Variants in CDC42SE2 observed in about 807,000 individuals in gnomAD.
The protein encoded by CDC42SE2 is CDC42 small effector 2.
In CDC42SE2, 3 loss-of-function variants were observed where a neutral mutation model predicts 11.5. That is an observed-to-expected ratio of 0.26 (90% CI 0.12 to 0.67). The LOEUF (loss-of-function observed/expected upper bound fraction) is 0.67, where lower values mean the gene tolerates loss of function less well. Ranked by LOEUF, CDC42SE2 falls within the 30% of genes least tolerant of loss-of-function variation. The pLI, the probability that CDC42SE2 is intolerant of heterozygous loss-of-function variation, is 0.80. For missense variants in CDC42SE2, 82 were observed against 106.8 expected, an observed-to-expected ratio of 0.77 and a Z score of 1.02; for synonymous variants, 33 against 34.8, an observed-to-expected ratio of 0.95 and a Z score of 0.18.
the CDC42SE2 span, among the ~76,000 whole-genome samples, chr5:131,226,182 A>G: frequency 1.3e-5 from 2 of 152,382 alleles, no homozygotes; most frequent in East Asian, 1.9e-4. Context: ...ATTGTCTTGC[A>G]GAGATCTTTG....
chr5:131,379,240 CTG>C (rs1205564761), intron 3 of CDC42SE2, among the ~76,000 whole-genome samples: 1 of 152,196 alleles, frequency 6.6e-6, no homozygotes, highest in Non-Finnish European at 1.5e-5. Context: ...TTTATTCACT[CTG>C]TATCTGCTTC....
At chr5:131,339,246 GAAAAAAAAAAAAAAA>G (rs34594352) in intron 2 of CDC42SE2, among the ~76,000 whole-genome samples, 1,160 of 28,266 alleles carry the variant, frequency 0.041, 38 homozygotes, top group African/African-American at 0.1. Context: ...GACTCTGTCT[GAAAAAAAAAAAAAAA>G]AAAAAAAAAA....
At chr5:131,268,627 T>A (rs1179886390) in intron 1 of CDC42SE2, among the ~76,000 whole-genome samples, 1 of 151,908 alleles carries the variant, frequency 6.6e-6, no homozygotes, top group Non-Finnish European at 1.5e-5. Flanking sequence ...TAATTTTGTA[T>A]TTTTAGTAGA....
chr5:131,258,407 A>AT (rs1241595913), intron 2 of CDC42SE2, among the ~76,000 whole-genome samples: 1 of 152,216 alleles, frequency 6.6e-6, no homozygotes, highest in East Asian at 1.9e-4. Context: ...TTTAAAAAAA[A>AT]GAAAAAGGAG....
At chr5:131,375,773 G>A (rs1750133671) in intron 3 of CDC42SE2, among the ~76,000 whole-genome samples, 1 of 152,220 alleles carries the variant, frequency 6.6e-6, no homozygotes, top group African/African-American at 2.4e-5. Flanking sequence ...AGTCTCTGCA[G>A]TATCTAAAAC....
chr5:131,390,141 GATAA>G (rs1481601609), intron 4 of CDC42SE2, among the ~76,000 whole-genome samples: 10 of 152,260 alleles, frequency 6.6e-5, no homozygotes, highest in South Asian at 6.2e-4. Context: ...ACTCAGAGAG[GATAA>G]ATAGTTTACC....
At chr5:131,308,687 A>C (rs1293624483) in intron 1 of CDC42SE2, among the ~76,000 whole-genome samples, 1 of 145,348 alleles carries the variant, frequency 6.9e-6, no homozygotes, top group African/African-American at 2.5e-5. Context: ...ATTCCTAGGT[A>C]TTTTATTCTC....
chr5:131,296,811 C>A (rs1405554615), intron 1 of CDC42SE2, among the ~76,000 whole-genome samples: 1 of 152,102 alleles, frequency 6.6e-6, no homozygotes, highest in Non-Finnish European at 1.5e-5. Flanking sequence ...CTATAGTAGT[C>A]TTTCATATAT....
the CDC42SE2 span, among the ~76,000 whole-genome samples, chr5:131,237,543 T>C: frequency 1.3e-5 from 2 of 152,218 alleles, no homozygotes; most frequent in Non-Finnish European, 2.9e-5. Context: ...TGTGATGTGT[T>C]TGGACATACA....
At chr5:131,284,895 C>T (rs1757309965) in intron 1 of CDC42SE2, among the ~76,000 whole-genome samples, 1 of 152,006 alleles carries the variant, frequency 6.6e-6, no homozygotes, top group African/African-American at 2.4e-5. Context: ...GTGGTGTGCG[C>T]TTTAGTCCCA....
chr5:131,247,081 A>G (rs1756601480), intron 1 of CDC42SE2, among the ~76,000 whole-genome samples: 1 of 152,084 alleles, frequency 6.6e-6, no homozygotes, highest in South Asian at 2.1e-4. Context: ...ATTCCATTTC[A>G]TTTTGTAGAT....
chr5:131,267,171 C>T (rs1337546404), intron 1 of CDC42SE2, among the ~76,000 whole-genome samples: 1 of 151,432 alleles, frequency 6.6e-6, no homozygotes, highest in Non-Finnish European at 1.5e-5. Flanking sequence ...TCTCCTGCCT[C>T]AGCCTCCCAA....
intron 2 of CDC42SE2, among the ~76,000 whole-genome samples, chr5:131,329,070 T>G (rs934308067): frequency 6.6e-6 from 1 of 152,154 alleles, no homozygotes; most frequent in African/African-American, 2.4e-5. Context: ...GGCTTATTAG[T>G]CTGTGTCTGC....
the CDC42SE2 span, among the ~76,000 whole-genome samples, chr5:131,223,554 G>A: frequency 3.9e-4 from 59 of 152,044 alleles, no homozygotes; most frequent in African/African-American, 1.4e-3. Flanking sequence ...CTGTTTTAAA[G>A]CCTATTTCAG....
intron 1 of CDC42SE2, among the ~76,000 whole-genome samples, chr5:131,288,772 C>T (rs1413600597): frequency 6.6e-6 from 1 of 152,140 alleles, no homozygotes; most frequent in Non-Finnish European, 1.5e-5. Context: ...TTAGAGATAC[C>T]TACTGACTAC....
At chr5:131,326,879 G>A (rs1561585660) in intron 2 of CDC42SE2, among the ~76,000 whole-genome samples, 2 of 151,992 alleles carry the variant, frequency 1.3e-5, no homozygotes, top group African/African-American at 4.8e-5. Flanking sequence ...CCAAAGTGCT[G>A]GAATACAGGC....
At chr5:131,332,712 T>C (rs1047397085) in intron 2 of CDC42SE2, among the ~76,000 whole-genome samples, 1 of 152,202 alleles carries the variant, frequency 6.6e-6, no homozygotes, top group African/African-American at 2.4e-5. Context: ...ATTTTTCTGA[T>C]GGCCAGTGAT....
At chr5:131,375,031 C>T (rs1290240429) in intron 3 of CDC42SE2, among the ~76,000 whole-genome samples, 3 of 138,636 alleles carry the variant, frequency 2.2e-5, no homozygotes, top group African/African-American at 7.9e-5. Flanking sequence ...TTCTCCCCTC[C>T]TTTTTTTTTT....
intron 1 of CDC42SE2, among the ~76,000 whole-genome samples, chr5:131,250,440 CTT>C (rs1756630713): frequency 6.6e-6 from 1 of 152,144 alleles, no homozygotes; most frequent in African/African-American, 2.4e-5. Context: ...ATGGAGGAAA[CTT>C]AAATACATAT....
Sources: gnomAD v4.1 joint callset for allele counts (sites outside exome capture counted in the v4.1 genomes callset) on GRCh38, gnomAD v4.1.1 for gene constraint, MANE v1.5 for transcripts, NCBI Gene and HGNC (gene_info 2026-07-23, HGNC 2026-07-21) for gene names.